The following MARCHF1 variants were observed in gnomAD, a reference collection of about 807,000 sequenced individuals.
MARCHF1 encodes E3 ubiquitin-protein ligase MARCHF1.
In MARCHF1, 40 loss-of-function variants were observed where a neutral mutation model predicts 54.2. The observed-to-expected ratio is 0.74, with a 90% CI of 0.57 to 0.96. The LOEUF (loss-of-function observed/expected upper bound fraction) is 0.96. MARCHF1 is among the 40% of genes least tolerant of loss of function. The pLI, the probability that MARCHF1 is intolerant of heterozygous loss-of-function variation, is 0.00. For missense variants in MARCHF1, 586 were observed against 656.5 expected (o/e 0.89, Z 1.17); for synonymous variants, 236 against 236.3 (o/e 1.00, Z 0.01).
rs1423382372 is a variant in MARCHF1 at position 163,859,594 on chromosome 4, C to T, written c.-38-5425G>A. ...CAGGCTGGTCTTGAACTCCTAACCTCAGGTGATCCACCTGCTTCGGCCTCC... is the reference window on the plus strand; with the variant it reads ...CAGGCTGGTCTTGAACTCCTAACCTTAGGTGATCCACCTGCTTCGGCCTCC... On this transcript the variant is annotated intron_variant, in intron 3 of 9. Transcript: ENST00000514618. 3.3e-5 allele frequency among the ~76,000 whole-genome samples: 5 copies of T among 152,100 alleles called. No individual in the cohort carries two copies. In the South Asian group the frequency reaches 8.3e-4, roughly 25 times the overall value.
intron 4 of MARCHF1, among the ~76,000 whole-genome samples, chr4:163,775,865 G>A (rs1045353274): frequency 3.3e-5 from 5 of 152,090 alleles, no homozygotes; most frequent in African/African-American, 9.7e-5. Context: ...AGAGAGAGAG[G>A]ATTTTGTATA....
chr4:164,181,004 C>T (rs1579600708), intron 1 of MARCHF1, among the ~76,000 whole-genome samples: 2 of 152,208 alleles, frequency 1.3e-5, no homozygotes, highest in East Asian at 1.9e-4. Context: ...AAGTAAAATT[C>T]TCATCATCTC....
chr4:164,124,111 C>CA (rs1560915450), intron 1 of MARCHF1, among the ~76,000 whole-genome samples: 1 of 146,028 alleles, frequency 6.8e-6, no homozygotes, highest in Non-Finnish European at 1.5e-5. Flanking sequence ...AGATATTTCT[C>CA]AAAAGAAGAC....
chr4:163,795,226 G>T (rs1385929082), intron 4 of MARCHF1, among the ~76,000 whole-genome samples: 2 of 151,876 alleles, frequency 1.3e-5, no homozygotes, highest in Admixed American at 6.6e-5. Context: ...CATCTTAATG[G>T]TATTTTCTTT....
At chr4:163,602,981 T>A (rs1290280349) in intron 7 of MARCHF1, among the ~76,000 whole-genome samples, 1 of 152,074 alleles carries the variant, frequency 6.6e-6, no homozygotes, top group African/African-American at 2.4e-5. Flanking sequence ...AATTAGAGAC[T>A]CTGAAAAGAA....
chr4:163,996,404 T>C (rs1255365594), intron 2 of MARCHF1, among the ~76,000 whole-genome samples: 1 of 152,086 alleles, frequency 6.6e-6, no homozygotes, highest in East Asian at 1.9e-4. Context: ...GAATATGCTA[T>C]ATTCCTAAAG....
intron 3 of MARCHF1, among the ~76,000 whole-genome samples, chr4:163,879,210 G>A (rs1304607210): frequency 1.3e-5 from 2 of 152,142 alleles, no homozygotes; most frequent in East Asian, 3.9e-4. Flanking sequence ...CTATTGAGGG[G>A]AAGCATGCAG....
rs900767245 is a variant in MARCHF1, at chr4:164,222,543, C to T, written c.-322-110881G>A. On this transcript the variant is annotated intron_variant, in intron 1 of 9. Coordinates refer to ENST00000514618, the MANE Select transcript of MARCHF1 (RefSeq NM_001394959.1). ...TGCTAGCAAGATACATCATTTTGCC[C>T]TATGTTTTCCATAGGCAGTTCTACA... 2.0e-5 allele frequency among the ~76,000 whole-genome samples: 3 copies of T among 151,592 alleles called. No individual in the cohort carries two copies. The South Asian group carries it at 6.2e-4, about 31-fold the overall frequency.
At chr4:163,792,632 T>C (rs1199027100) in intron 4 of MARCHF1, among the ~76,000 whole-genome samples, 3 of 152,174 alleles carry the variant, frequency 2.0e-5, no homozygotes, top group African/African-American at 4.8e-5. Context: ...ATTAAAGCAT[T>C]TGAATAACTA....
At chr4:163,871,919 C>T (rs897180658) in intron 3 of MARCHF1, among the ~76,000 whole-genome samples, 22 of 151,974 alleles carry the variant, frequency 1.4e-4, no homozygotes, top group African/African-American at 5.3e-4. Flanking sequence ...CTATAATATC[C>T]AAAACAATTG....
intron 2 of MARCHF1, among the ~76,000 whole-genome samples, chr4:164,096,150 GA>G (rs1755405856): frequency 6.6e-6 from 1 of 152,122 alleles, no homozygotes; most frequent in African/African-American, 2.4e-5. Context: ...CAATAGCGAA[GA>G]CATGGAATCA....
At chr4:163,730,735 C>T (rs1267225134) in intron 4 of MARCHF1, among the ~76,000 whole-genome samples, 5 of 152,048 alleles carry the variant, frequency 3.3e-5, no homozygotes, top group Non-Finnish European at 1.5e-5. Flanking sequence ...GAAGAGTAAG[C>T]TAAAGGTCTT....
At chr4:164,130,797 T>A (rs1756284521) in intron 1 of MARCHF1, among the ~76,000 whole-genome samples, 1 of 152,170 alleles carries the variant, frequency 6.6e-6, no homozygotes, top group Non-Finnish European at 1.5e-5. Flanking sequence ...TATATCACAT[T>A]TTCCCCAGCA....
At chr4:163,615,059 C>T (rs1279331446) in intron 5 of MARCHF1, among the ~76,000 whole-genome samples, 1 of 152,002 alleles carries the variant, frequency 6.6e-6, no homozygotes, top group Non-Finnish European at 1.5e-5. Flanking sequence ...TGGCTTCTGA[C>T]CTCTAGAACT....
chr4:163,760,689 A>G (rs896023043), intron 4 of MARCHF1, among the ~76,000 whole-genome samples: 9 of 152,212 alleles, frequency 5.9e-5, no homozygotes, highest in Admixed American at 4.6e-4. Flanking sequence ...TTGAGTACAT[A>G]TAAATTTCCA....
chr4:163,930,250 A>T (rs887012674), intron 3 of MARCHF1, among the ~76,000 whole-genome samples: 1 of 151,352 alleles, frequency 6.6e-6, no homozygotes, highest in South Asian at 2.1e-4. Flanking sequence ...AAAAATAAAG[A>T]CACTGATATT....
At chr4:163,994,715 C>A (rs1753033440) in intron 2 of MARCHF1, among the ~76,000 whole-genome samples, 1 of 146,098 alleles carries the variant, frequency 6.8e-6, no homozygotes, top group Non-Finnish European at 1.5e-5. Flanking sequence ...GAGTCCTGGA[C>A]CTAACAGTCC....
At chr4:164,334,591 T>C (rs2110817532) in intron 1 of MARCHF1, among the ~76,000 whole-genome samples, 1 of 152,216 alleles carries the variant, frequency 6.6e-6, no homozygotes, top group Admixed American at 6.5e-5. Context: ...AGAACTCTGA[T>C]GGAGATGTAC....
At chr4:163,888,073 T>A (rs977591883) in intron 3 of MARCHF1, among the ~76,000 whole-genome samples, 2 of 152,186 alleles carry the variant, frequency 1.3e-5, no homozygotes, top group East Asian at 3.8e-4. Context: ...AAATAGGATG[T>A]CTGCGCTTTA....
Sources: allele counts gnomAD v4.1 joint callset (sites outside exome capture counted in the v4.1 genomes callset), GRCh38; gene constraint gnomAD v4.1.1; transcripts MANE v1.5; gene names NCBI Gene and HGNC (gene_info 2026-07-23, HGNC 2026-07-21).